The following RAB11FIP1 variants were observed in gnomAD, a reference collection of about 807,000 sequenced individuals.
RAB11FIP1 encodes the protein rab11 family-interacting protein 1.
A neutral mutation model predicts 83.1 loss-of-function variants in RAB11FIP1; 49 were observed. The ratio of observed to expected loss-of-function variants is 0.59; its 90% confidence interval spans 0.47 to 0.75. The LOEUF (loss-of-function observed/expected upper bound fraction) is 0.75, where lower values mean the gene tolerates loss of function less well. Among genes scored for constraint, RAB11FIP1 ranks in the 30% least tolerant of loss-of-function variants. The pLI, the probability that RAB11FIP1 is intolerant of heterozygous loss-of-function variation, is 0.00. For synonymous variants in RAB11FIP1, 670 were observed against 656.0 expected (o/e 1.02, Z -0.33); for missense variants, 1,536 against 1,598.7 (o/e 0.96, Z 0.67).
intron 1 of RAB11FIP1, among the ~76,000 whole-genome samples, chr8:37,896,222 A>C (rs1807087439): frequency 1.3e-5 from 2 of 151,946 alleles, no homozygotes; most frequent in African/African-American, 2.4e-5. Flanking sequence ...AGGCAGGAGA[A>C]TTGCTAGAAC....
At position 37,872,759 on chromosome 8, in the gene RAB11FIP1, C is replaced by T; in HGVS notation, c.2043G>A (p.Glu681=). Residue 681 remains glutamate (E), a synonymous_variant, in exon 4 of 6, where the codon GAG becomes GAA. Coordinates refer to ENST00000330843, the MANE Select transcript of RAB11FIP1 (RefSeq NM_001002814.3). ...CCAACTCAAGGCTGCTGGTGTTCTT[C>T]TCTGTGCCTGTCTCACGGGTCCTGC... ...LMGRTRETGT[E]KNTSSLELEE... is the part of the protein sequence containing the mutation. 1 of 1,614,218 alleles carries T rather than the reference C, an allele frequency of 6.2e-7. No individual in the cohort carries two copies. The highest frequency in any genetic ancestry group is 2.2e-5 in the East Asian group (1 of 44,884).
At chr8:37,887,733 G>A (rs1375040589) in intron 1 of RAB11FIP1, among the ~76,000 whole-genome samples, 1 of 152,126 alleles carries the variant, frequency 6.6e-6, no homozygotes, top group Non-Finnish European at 1.5e-5. Flanking sequence ...AAGAATGTTA[G>A]GAAGATTAAA....
intron 2 of RAB11FIP1, among the ~76,000 whole-genome samples, chr8:37,876,229 GGA>G (rs1806605845): frequency 6.8e-6 from 1 of 147,080 alleles, no homozygotes; most frequent in Non-Finnish European, 1.5e-5. Flanking sequence ...AAGGAAGGAA[GGA>G]AGGAAGGAAG....
chr8:37,884,999 T>C (rs1432781581), intron 1 of RAB11FIP1, among the ~76,000 whole-genome samples: 1 of 125,914 alleles, frequency 7.9e-6, no homozygotes, highest in Non-Finnish European at 1.6e-5. Context: ...TTTTTAATTG[T>C]TTTTTTTTTT....
intron 1 of RAB11FIP1, 100 bp from the exon 2 acceptor site, chr8:37,877,651 C>T: frequency 1.4e-6 from 1 of 699,872 alleles, no homozygotes; most frequent in Non-Finnish European, 2.5e-6. Context: ...TACCAGCAGC[C>T]TCTTCAATGC....
At chr8:37,887,212 T>C (rs148267190) in intron 1 of RAB11FIP1, among the ~76,000 whole-genome samples, 1 of 152,298 alleles carries the variant, frequency 6.6e-6, no homozygotes, top group Non-Finnish European at 1.5e-5. Flanking sequence ...AGGCTGTTTG[T>C]AGCCACCAAA....
rs767753565 is a variant in RAB11FIP1, at chr8:37,871,691, T to G, written c.3111A>C (p.Ala1037=). ...LCDFRLQAPQ[A]SVTAPSEQTT... is the part of the protein sequence containing the mutation. The stretch of plus-strand genomic sequence containing the variant: ...TCTGCTCTGAAGGAGCTGTCACAGA[T>G]GCCTGGGGTGCTTGCAGCCTGAAAT... Residue 1037 remains alanine (A), a synonymous_variant, in exon 4 of 6, where the codon GCA becomes GCC. Coordinates refer to ENST00000330843, the MANE Select transcript of RAB11FIP1 (RefSeq NM_001002814.3). 2.5e-6 allele frequency: 4 copies of G among 1,613,798 alleles called. No individual in the cohort carries two copies. The highest frequency in any genetic ancestry group is 2.2e-5 in the East Asian group (1 of 44,896).
At chr8:37,892,425 A>ATATTTATTTATT (rs146042883) in intron 1 of RAB11FIP1, among the ~76,000 whole-genome samples, 95 of 144,170 alleles carry the variant, frequency 6.6e-4, no homozygotes, top group Middle Eastern at 7.2e-3. Context: ...ACTTTTATTT[A>ATATTTATTTATT]TATTTATTTA....
chr8:37,892,665 T>C (rs1340899747), intron 1 of RAB11FIP1, among the ~76,000 whole-genome samples: 6 of 152,122 alleles, frequency 3.9e-5, no homozygotes, highest in Non-Finnish European at 8.8e-5. Context: ...CTCAAACTCC[T>C]GACCTCAGGT....
intron 1 of RAB11FIP1, among the ~76,000 whole-genome samples, chr8:37,884,105 C>G (rs1283765746): frequency 6.6e-6 from 1 of 151,692 alleles, no homozygotes. Context: ...TTGTCTATTG[C>G]CCAGGCTGGA....
At chr8:37,878,661 GT>G (rs948231627) in intron 1 of RAB11FIP1, among the ~76,000 whole-genome samples, 12 of 148,478 alleles carry the variant, frequency 8.1e-5, no homozygotes, top group Non-Finnish European at 1.6e-4. Flanking sequence ...CTGCCAGGGA[GT>G]AAAAAAATAA....
In RAB11FIP1 at chr8:37,899,348, C is replaced by A; in HGVS notation, c.94G>T (p.Ala32Ser). ...TCGCTCGTGCCCCCGGGGCCCTTGG[C>A]CCGCAGGCCCCGCGCCTGCAGCACC... ...VTVLQARGLR[A>S]KGPGGTSDAY... The change falls in exon 1 of 6, where the codon GCC (alanine) becomes TCC (serine). Residue 32 changes from alanine (A) to serine (S), a missense_variant. By Grantham distance (99) the Ala-to-Ser change is moderately conservative. Coordinates refer to ENST00000330843, the MANE Select transcript of RAB11FIP1 (RefSeq NM_001002814.3). This position sits in a 1 kb window ranked among gnomAD's most constrained non-coding sequence, Gnocchi z 4.5. The A allele has an allele frequency of 6.2e-7, 1 of 1,607,152 alleles. No individual in the cohort carries two copies. The highest frequency in any genetic ancestry group is 1.3e-5 in the African/African-American group (1 of 74,104).
intron 1 of RAB11FIP1, among the ~76,000 whole-genome samples, chr8:37,883,660 G>A (rs117724583): frequency 6.6e-6 from 1 of 152,172 alleles, no homozygotes; most frequent in African/African-American, 2.4e-5. Context: ...GTTTCTAAGT[G>A]TTACTGCCCA....
intron 4 of RAB11FIP1, chr8:37,870,746 TC>T: frequency 4.1e-6 from 2 of 486,776 alleles, no homozygotes; most frequent in Non-Finnish European, 7.3e-6. Context: ...CATGTCCTTG[TC>T]CAGATGTCCT....
chr8:37,881,010 C>T (rs985747353), intron 1 of RAB11FIP1, among the ~76,000 whole-genome samples: 4 of 152,162 alleles, frequency 2.6e-5, no homozygotes, highest in South Asian at 4.1e-4. Context: ...GCTGGTGGCT[C>T]GCTCACAGGG....
rs552493482 is a variant in RAB11FIP1, at chr8:37,874,504, C to T, written c.1622+11G>A. 1.9e-6 allele frequency: 3 copies of T among 1,611,698 alleles called. No homozygotes were observed. The highest frequency in any genetic ancestry group is 2.2e-5 in the South Asian group (2 of 91,016). ...GCAGAAATGCCCTGCACGAGAAGAG[C>T]CAAAACTCACCGGGGCTTGACAGCT... On this transcript the variant is annotated intron_variant, in intron 3 of 5. Coordinates refer to ENST00000330843, the MANE Select transcript of RAB11FIP1 (RefSeq NM_001002814.3).
At chr8:37,870,606 G>A (rs1310017750) in intron 4 of RAB11FIP1, 78 bp from the exon 5 acceptor site, 1 of 714,464 alleles carries the variant, frequency 1.4e-6, no homozygotes, top group African/African-American at 1.8e-5. Context: ...AAAGACGGCA[G>A]CCAGTAAGCC....
intron 1 of RAB11FIP1, among the ~76,000 whole-genome samples, chr8:37,885,063 C>T (rs891425717): frequency 3.3e-5 from 5 of 150,482 alleles, no homozygotes; most frequent in Admixed American, 6.6e-5. Context: ...GGCGTGATCT[C>T]GGCTCACTGC....
At chr8:37,866,029 G>T (rs1049168312) in intron 5 of RAB11FIP1, among the ~76,000 whole-genome samples, 62 of 152,102 alleles carry the variant, frequency 4.1e-4, no homozygotes, top group Non-Finnish European at 7.3e-4. Context: ...GCCTAGTTTT[G>T]CAATATTTAA....
Sources: gnomAD v4.1 joint callset for allele counts (sites outside exome capture counted in the v4.1 genomes callset) on GRCh38, gnomAD v4.1.1 for gene constraint, Gnocchi (gnomAD v3.1) non-coding constraint, MANE v1.5 for transcripts, NCBI Gene and HGNC (gene_info 2026-07-23, HGNC 2026-07-21) for gene names.